OXCT1: variants seen among roughly 807,000 people sequenced by gnomAD.
OXCT1 encodes the protein 3-oxoacid CoA-transferase 1, also known as succinyl-CoA:3-ketoacid coenzyme A transferase 1, mitochondrial.
OXCT1 carries 27 observed loss-of-function variants against 69.6 expected under a neutral mutation model. The observed-to-expected ratio is 0.39, with a 90% CI of 0.29 to 0.54. The LOEUF is 0.54. Among genes scored for constraint, OXCT1 ranks in the 20% least tolerant of loss-of-function variants. The pLI is 0.72. For missense variants in OXCT1, 437 were observed against 650.2 expected, an observed-to-expected ratio of 0.67 and a Z score of 3.57; for synonymous variants, 202 against 217.8, an observed-to-expected ratio of 0.93 and a Z score of 0.64.
At chr5:41,746,990 A>C (rs768908845) in intron 15 of OXCT1, among the ~76,000 whole-genome samples, 1 of 152,116 alleles carries the variant, frequency 6.6e-6, no homozygotes, top group Non-Finnish European at 1.5e-5. Context: ...TTTTTTGCCT[A>C]GGTCTATGAA....
chr5:41,749,263 A>G (rs1743650547), intron 15 of OXCT1, among the ~76,000 whole-genome samples: 1 of 152,104 alleles, frequency 6.6e-6, no homozygotes, highest in South Asian at 2.1e-4. Context: ...GTCAAAATAT[A>G]AAGATCAATA....
chr5:41,853,082 T>A (rs531904898), intron 4 of OXCT1, among the ~76,000 whole-genome samples: 86 of 151,846 alleles, frequency 5.7e-4, no homozygotes, highest in East Asian at 2.1e-3. Flanking sequence ...AAAAAAAAAA[T>A]AAAAATAAAT....
At chr5:41,835,736 A>G (rs1427349494) in intron 7 of OXCT1, among the ~76,000 whole-genome samples, 3 of 152,192 alleles carry the variant, frequency 2.0e-5, no homozygotes, top group Admixed American at 2.0e-4. Context: ...CTCGTAAACT[A>G]GCCATGGCAC....
intron 3 of OXCT1, among the ~76,000 whole-genome samples, chr5:41,859,073 C>A (rs970651411): frequency 2.6e-5 from 4 of 152,208 alleles, no homozygotes; most frequent in Non-Finnish European, 4.4e-5. Flanking sequence ...CTACTCCATC[C>A]TGCCCGGGGT....
At chr5:41,839,188 T>C (rs753177130) in intron 7 of OXCT1, among the ~76,000 whole-genome samples, 4 of 152,246 alleles carry the variant, frequency 2.6e-5, no homozygotes, top group African/African-American at 4.8e-5. Context: ...GGTTATTTTC[T>C]GCTCTTGTAA....
intron 13 of OXCT1, among the ~76,000 whole-genome samples, chr5:41,767,723 T>C (rs1744677772): frequency 2.9e-4 from 1 of 3,480 alleles, no homozygotes; most frequent in East Asian, 2.9e-3. Context: ...TATGTGTGTG[T>C]ATATATATAT....
intron 13 of OXCT1, among the ~76,000 whole-genome samples, chr5:41,766,780 T>C: frequency 6.6e-6 from 1 of 152,138 alleles, no homozygotes; most frequent in East Asian, 1.9e-4. Context: ...TTTCCAGATG[T>C]TACCTCTAAA....
rs567203165 is a variant in OXCT1 at position 41,794,550 on chromosome 5, G to A, written c.1172+127C>T. 390 of 844,362 alleles carry A rather than the reference G, an allele frequency of 4.6e-4. 6 individuals are homozygous for A. In the South Asian group the frequency reaches 5.0e-3, roughly 11 times the overall value. The allele number at this position is 844,362 out of a possible 1,614,324, so 52.3% of individuals were successfully genotyped here. A position where few individuals can be genotyped will look rare whatever the true frequency, so the allele number is the denominator to read the frequency against. On this transcript the variant is annotated intron_variant, in intron 12 of 16. Transcript: ENST00000196371. Reference sequence around the variant, plus strand: ...GTGAATAATTTCACACCCTGCAGCCGAACAAACTCCTGATAGTTTTCTGGC... The same window carrying A: ...GTGAATAATTTCACACCCTGCAGCCAAACAAACTCCTGATAGTTTTCTGGC...
At chr5:41,867,117 A>C (rs1049990277) in intron 1 of OXCT1, among the ~76,000 whole-genome samples, 3 of 151,964 alleles carry the variant, frequency 2.0e-5, no homozygotes, top group African/African-American at 7.2e-5. Context: ...TTTGGGGAAC[A>C]AGTAGTATTT....
At chr5:41,841,656 T>C (rs1748631593) in intron 6 of OXCT1, among the ~76,000 whole-genome samples, 1 of 152,202 alleles carries the variant, frequency 6.6e-6, no homozygotes, top group Admixed American at 6.5e-5. Context: ...ATGGGAATAT[T>C]TTCAATAATT....
chr5:41,773,822 C>A (rs775487208), intron 13 of OXCT1, among the ~76,000 whole-genome samples: 4 of 151,934 alleles, frequency 2.6e-5, no homozygotes, highest in Non-Finnish European at 5.9e-5. Context: ...GTTTCAGTAA[C>A]GTTGACCATT....
chr5:41,849,599 T>C (rs1749085224), intron 5 of OXCT1, among the ~76,000 whole-genome samples: 1 of 152,232 alleles, frequency 6.6e-6, no homozygotes, highest in Non-Finnish European at 1.5e-5. Context: ...ACAGTTCCTT[T>C]CAAGGTTTCA....
At chr5:41,787,658 A>T (rs1241527509) in intron 13 of OXCT1, among the ~76,000 whole-genome samples, 1 of 147,856 alleles carries the variant, frequency 6.8e-6, no homozygotes, top group Non-Finnish European at 1.5e-5. Flanking sequence ...AAAAAAAAAA[A>T]GCCCAAAACT....
intron 14 of OXCT1, among the ~76,000 whole-genome samples, chr5:41,757,885 G>A (rs1213221363): frequency 2.0e-5 from 3 of 152,076 alleles, no homozygotes; most frequent in Admixed American, 6.6e-5. Context: ...GAATCGCAAA[G>A]GCAGATGGGC....
intron 9 of OXCT1, among the ~76,000 whole-genome samples, chr5:41,805,267 C>G (rs1746618810): frequency 6.6e-6 from 1 of 151,972 alleles, no homozygotes; most frequent in Non-Finnish European, 1.5e-5. Context: ...TGGGTAATCT[C>G]TTTTCCCAAT....
chr5:41,798,593 G>C (rs1746286295), intron 11 of OXCT1, among the ~76,000 whole-genome samples: 1 of 152,248 alleles, frequency 6.6e-6, no homozygotes, highest in South Asian at 2.1e-4. Context: ...CATGGCAGGG[G>C]GCCAGGGATA....
chr5:41,776,199 A>G (rs1745112148), intron 13 of OXCT1, among the ~76,000 whole-genome samples: 1 of 152,200 alleles, frequency 6.6e-6, no homozygotes, highest in Admixed American at 6.5e-5. Context: ...GGGACATTCT[A>G]TATGACATCC....
intron 1 of OXCT1, 50 bp from the exon 2 acceptor site, chr5:41,862,800 A>C: frequency 5.6e-6 from 6 of 1,080,866 alleles, no homozygotes; most frequent in Non-Finnish European, 8.6e-6. Context: ...ATACAGCTTT[A>C]CTTTGTGTGT....
intron 7 of OXCT1, among the ~76,000 whole-genome samples, chr5:41,811,649 C>T (rs1746991873): frequency 6.6e-6 from 1 of 151,914 alleles, no homozygotes; most frequent in Non-Finnish European, 1.5e-5. Flanking sequence ...GAGACAGATA[C>T]ATATGGTCTT....
Sources: allele counts gnomAD v4.1 joint callset (sites outside exome capture counted in the v4.1 genomes callset), GRCh38; gene constraint gnomAD v4.1.1; transcripts MANE v1.5; gene names NCBI Gene and HGNC (gene_info 2026-07-23, HGNC 2026-07-21).